The following AKAP13 variants were observed in gnomAD, a reference collection of about 807,000 sequenced individuals.
The protein encoded by AKAP13 is A-kinase anchoring protein 13.
Under a neutral mutation model 264.5 loss-of-function variants are expected in AKAP13, and 80 were observed. The ratio of observed to expected loss-of-function variants is 0.30; its 90% CI spans 0.25 to 0.36. The LOEUF (loss-of-function observed/expected upper bound fraction) is 0.36, where lower values mean the gene tolerates loss of function less well. Among genes scored for constraint, AKAP13 ranks in the 10% least tolerant of loss-of-function variants. AKAP13 has a pLI of 1.00. For synonymous variants in AKAP13, 1,380 were observed against 1,250.2 expected (o/e 1.10, Z -2.19); for missense variants, 3,712 against 3,435.2 (o/e 1.08, Z -2.01).
intron 13 of AKAP13, 120 bp downstream of exon 13, chr15:85,664,875 C>A: frequency 1.1e-6 from 1 of 933,628 alleles, no homozygotes; most frequent in South Asian, 1.9e-5. Flanking sequence ...ATATGATATA[C>A]TTAATCTAGC....
rs544529104 is a variant in AKAP13, at chr15:85,635,550, TA to T, written c.4162-3820del. On this transcript the variant is annotated intron_variant, in intron 8 of 36. Coordinates refer to ENST00000394518, the MANE Select transcript of AKAP13 (RefSeq NM_007200.5). Reference sequence around the variant, plus strand: ...TTTCCTAACAGTGGCTTTTGAGGAGTAAAAGTTTTTAAGGTTGACATAGATT... The same window carrying T: ...TTTCCTAACAGTGGCTTTTGAGGAGTAAAGTTTTTAAGGTTGACATAGATT... Among the ~76,000 whole-genome samples, 140 of 152,248 alleles carry T rather than the reference TA, an allele frequency of 9.2e-4. 1 individual carries two copies. Among genetic ancestry groups the T allele is most frequent in the Non-Finnish European group, 1.7e-3 (115 of 68,000 alleles).
chr15:85,612,522 G>C (rs1428160391), intron 8 of AKAP13, among the ~76,000 whole-genome samples: 3 of 152,110 alleles, frequency 2.0e-5, no homozygotes, highest in Non-Finnish European at 2.9e-5. Flanking sequence ...TGATGGTATA[G>C]TTATCATGTT....
chr15:85,706,040 A>G (rs775576355), intron 17 of AKAP13, among the ~76,000 whole-genome samples: 12 of 152,216 alleles, frequency 7.9e-5, no homozygotes, highest in Non-Finnish European at 1.5e-4. Flanking sequence ...GCCTTTTCAT[A>G]GTCTTTTTAT....
intron 2 of AKAP13, among the ~76,000 whole-genome samples, chr15:85,509,722 G>A (rs547968625): frequency 1.3e-3 from 204 of 152,302 alleles, no homozygotes; most frequent in Non-Finnish European, 2.0e-3. Flanking sequence ...GGAAGGCCAA[G>A]GGATAGCACT....
intron 1 of AKAP13, among the ~76,000 whole-genome samples, chr15:85,471,619 C>T (rs1319563964): frequency 6.6e-6 from 1 of 152,220 alleles, no homozygotes; most frequent in African/African-American, 2.4e-5. Flanking sequence ...TAACCACCAC[C>T]ACAATCAGCA....
intron 8 of AKAP13, among the ~76,000 whole-genome samples, chr15:85,601,904 T>C (rs2080097608): frequency 6.6e-6 from 1 of 152,052 alleles, no homozygotes; most frequent in East Asian, 1.9e-4. Flanking sequence ...AAAAAATTAC[T>C]TTTCTACAAA....
intron 1 of AKAP13, among the ~76,000 whole-genome samples, chr15:85,463,324 T>G (rs965416684): frequency 6.6e-6 from 1 of 152,194 alleles, no homozygotes; most frequent in Admixed American, 6.5e-5. Flanking sequence ...TATGTAGAGA[T>G]CGTTGCCGTT....
chr15:85,744,030 A>C, intron 36 of AKAP13: 1 of 598,034 alleles, frequency 1.7e-6, no homozygotes, highest in South Asian at 2.3e-5. Context: ...ACGTGTGCAG[A>C]AGCAGAGAGC....
chr15:85,677,205 T>C (rs774002759), intron 14 of AKAP13: 115 of 869,260 alleles, frequency 1.3e-4, no homozygotes, highest in Non-Finnish European at 1.5e-4. Flanking sequence ...TTTAGCCTCT[T>C]GCATGCCATC....
At chr15:85,381,454 A>T (rs1487118308) in intron 1 of AKAP13, among the ~76,000 whole-genome samples, 2 of 139,720 alleles carry the variant, frequency 1.4e-5, no homozygotes, top group Non-Finnish European at 3.0e-5. Context: ...CAGCCGGCTC[A>T]GCTTGCAGCT....
At position 85,719,206 on chromosome 15, in the gene AKAP13, G is replaced by C. The variant is rs750211371; in HGVS notation, c.6132G>C (p.Glu2044Asp). The change falls in exon 23 of 37, where the codon GAG becomes GAC. Residue 2044 changes from glutamate (E) to aspartate (D), a missense_variant. Around this residue, in one of 3 missense-constraint regions of AKAP13, gnomAD observed 342 missense variants for 484.3 expected, o/e 0.71. Transcript: ENST00000394518. ...AAAAGCTGTTCCCCTGTTTGGATGA[G>C]CTGATCAGTATCCATAGCCAATTCT... ...MVEKLFPCLD[E>D]LISIHSQFFQ... 3.1e-6 allele frequency: 5 copies of C among 1,614,070 alleles called. No homozygotes were observed. The South Asian group carries it at 4.4e-5, about 14-fold the overall frequency.
In AKAP13 at chr15:85,669,679, G is replaced by C. The variant is rs191324678; in HGVS notation, c.4993-43G>C. 7 of 1,372,750 alleles carry C rather than the reference G, an allele frequency of 5.1e-6. No homozygotes were observed. In the South Asian group the frequency reaches 7.0e-5, roughly 14 times the overall value. The allele number at this position is 1,372,750 out of a possible 1,614,324, so 85.0% of individuals were successfully genotyped here. On this transcript the variant is annotated intron_variant, in intron 13 of 36. Transcript: ENST00000394518. ...GTTTTATGCTTATCTAGAAATATGA[G>C]AGTATATGCTTACAACGTGTTCTTC... is the stretch of plus-strand genomic sequence containing the variant.
chr15:85,698,234 G>C (rs148500262), intron 17 of AKAP13, among the ~76,000 whole-genome samples: 2 of 150,766 alleles, frequency 1.3e-5, no homozygotes, highest in African/African-American at 2.4e-5. Context: ...TTAGGAGGCT[G>C]AGGCTGGCGG....
chr15:85,690,174 T>C (rs1306384633), intron 16 of AKAP13: 1 of 152,242 alleles, frequency 6.6e-6, no homozygotes, highest in Non-Finnish European at 1.5e-5. Flanking sequence ...GTTGGTTGTT[T>C]TGTTTTGTTT....
intron 34 of AKAP13, chr15:85,740,689 C>A: frequency 3.0e-6 from 1 of 335,444 alleles, no homozygotes; most frequent in Non-Finnish European, 5.5e-6. Flanking sequence ...TCTTGAAGAT[C>A]TAACCTGTCT....
At chr15:85,474,938 G>T (rs1337746771) in intron 1 of AKAP13, among the ~76,000 whole-genome samples, 1 of 152,184 alleles carries the variant, frequency 6.6e-6, no homozygotes, top group African/African-American at 2.4e-5. Context: ...GTGAGAAGGT[G>T]GGCCGTGCCT....
At chr15:85,566,344 T>C (rs1037668417) in intron 5 of AKAP13, among the ~76,000 whole-genome samples, 1 of 152,214 alleles carries the variant, frequency 6.6e-6, no homozygotes, top group Admixed American at 6.5e-5. Flanking sequence ...GCCACACATA[T>C]AAGGGTAAAA....
At chr15:85,411,480 C>G (rs2071963947) in intron 1 of AKAP13, among the ~76,000 whole-genome samples, 1 of 152,178 alleles carries the variant, frequency 6.6e-6, no homozygotes, top group African/African-American at 2.4e-5. Context: ...CTCCGTCCCC[C>G]AGGCTGGAGT....
intron 8 of AKAP13, among the ~76,000 whole-genome samples, chr15:85,611,741 C>T (rs887376774): frequency 6.6e-6 from 1 of 152,188 alleles, no homozygotes; most frequent in African/African-American, 2.4e-5. Context: ...CTTGTGAACA[C>T]AAGTAACATG....
Sources: allele counts gnomAD v4.1 joint callset (sites outside exome capture counted in the v4.1 genomes callset), GRCh38; gene constraint gnomAD v4.1.1; regional missense constraint gnomAD v4.1.1; transcripts MANE v1.5; gene names NCBI Gene and HGNC (gene_info 2026-07-23, HGNC 2026-07-21).